Variants in TOM1L2 observed in about 807,000 individuals in gnomAD.
The protein encoded by TOM1L2 is target of myb1 like 2 membrane trafficking protein.
TOM1L2 carries 31 observed loss-of-function variants against 67.9 expected under a neutral mutation model. The ratio of observed to expected loss-of-function variants is 0.46; its 90% CI spans 0.34 to 0.62. The LOEUF is 0.62. Ranked by LOEUF, TOM1L2 falls within the 20% of genes least tolerant of loss-of-function variation. The probability of loss-of-function intolerance (pLI) is 0.01; values close to 1 mark genes in which losing one functional copy is unlikely to be tolerated. For missense variants in TOM1L2, 606 were observed against 663.5 expected (o/e 0.91, Z 0.95); for synonymous variants, 256 against 254.0 (o/e 1.01, Z -0.07).
chr17:17,952,357 G>A (rs998264895), intron 1 of TOM1L2, among the ~76,000 whole-genome samples: 1 of 138,174 alleles, frequency 7.2e-6, no homozygotes, highest in Non-Finnish European at 1.6e-5. Flanking sequence ...TCTTTATACA[G>A]TAAGTGCTTC....
At chr17:17,942,981 G>A (rs907994181) in intron 1 of TOM1L2, among the ~76,000 whole-genome samples, 3 of 152,142 alleles carry the variant, frequency 2.0e-5, no homozygotes, top group African/African-American at 7.2e-5. Context: ...TTATTATAAA[G>A]TAATATGATG....
chr17:17,862,564 G>A (rs989193053), intron 11 of TOM1L2, 167 bp downstream of exon 11: 23 of 643,390 alleles, frequency 3.6e-5, no homozygotes, highest in African/African-American at 2.9e-4. Context: ...TGGGCAGTTG[G>A]TATTTATTCA....
Position 17,928,771 on chromosome 17 carries a change from AAATAGCTGCTGT to A in TOM1L2, c.53-21252_53-21241del, listed in dbSNP as rs1402521447. Among the ~76,000 whole-genome samples, 5 of 152,272 alleles carry A rather than the reference AAATAGCTGCTGT, an allele frequency of 3.3e-5. No individual in the cohort carries two copies. In the East Asian group the frequency reaches 9.6e-4, roughly 29 times the overall value. On this transcript the variant is annotated intron_variant, in intron 1 of 14. Transcript: ENST00000379504. ...ATGTGTGTCAAACAGAATAGAACAT[AAATAGCTGCTGT>A]CTGTGTCTCAGGATTTTTTTTTTCT...
At chr17:17,944,466 A>C (rs536240949) in intron 1 of TOM1L2, among the ~76,000 whole-genome samples, 1 of 152,334 alleles carries the variant, frequency 6.6e-6, no homozygotes, top group South Asian at 2.1e-4. Flanking sequence ...CTTCACCTCC[A>C]TGGCTGCAAA....
chr17:17,878,380 G>GT (rs1277906012), intron 7 of TOM1L2, among the ~76,000 whole-genome samples: 1 of 152,230 alleles, frequency 6.6e-6, no homozygotes, highest in African/African-American at 2.4e-5. Context: ...GAGACAAGTT[G>GT]TTTCCCGGTC....
chr17:17,938,107 C>T (rs369932741), intron 1 of TOM1L2, among the ~76,000 whole-genome samples: 1 of 152,100 alleles, frequency 6.6e-6, no homozygotes, highest in African/African-American at 2.4e-5. Flanking sequence ...TCTCACCCAG[C>T]GTGGTGCAAT....
At chr17:17,872,081 A>C in intron 7 of TOM1L2, 1 of 984,052 alleles carries the variant, frequency 1.0e-6, no homozygotes, top group African/African-American at 1.7e-5. Context: ...AATAATGGCC[A>C]CAGGCGCCAA....
intron 2 of TOM1L2, among the ~76,000 whole-genome samples, chr17:17,905,066 G>A (rs1341450205): frequency 6.6e-6 from 1 of 152,224 alleles, no homozygotes; most frequent in East Asian, 1.9e-4. Context: ...CATGTTAGGA[G>A]GACGTGAGGA....
intron 5 of TOM1L2, among the ~76,000 whole-genome samples, chr17:17,884,354 C>A (rs117603004): frequency 1.3e-5 from 2 of 152,288 alleles, no homozygotes; most frequent in East Asian, 1.9e-4. Flanking sequence ...GTGCTAATGA[C>A]CCTCACAGGA....
intron 13 of TOM1L2, among the ~76,000 whole-genome samples, chr17:17,849,946 T>C (rs2035865639): frequency 6.6e-6 from 1 of 152,204 alleles, no homozygotes; most frequent in African/African-American, 2.4e-5. Flanking sequence ...GCTGACCTTC[T>C]GGGGAGGAGG....
intron 1 of TOM1L2, among the ~76,000 whole-genome samples, chr17:17,913,275 G>C (rs2039486000): frequency 6.8e-6 from 1 of 146,310 alleles, no homozygotes; most frequent in Admixed American, 6.9e-5. Flanking sequence ...GGGAGAGGGA[G>C]AGGGAGAGCT....
chr17:17,908,732 A>G (rs1289485639), intron 1 of TOM1L2, among the ~76,000 whole-genome samples: 2 of 152,336 alleles, frequency 1.3e-5, no homozygotes, highest in South Asian at 2.1e-4. Flanking sequence ...CAAAAACACA[A>G]TGAAATATCA....
intron 6 of TOM1L2, among the ~76,000 whole-genome samples, chr17:17,882,282 A>G (rs1370749960): frequency 6.6e-6 from 1 of 152,202 alleles, no homozygotes; most frequent in Admixed American, 6.5e-5. Context: ...ACATTCTGCC[A>G]TGGTTTCCTC....
intron 1 of TOM1L2, among the ~76,000 whole-genome samples, chr17:17,966,415 G>T (rs531275432): frequency 2.0e-5 from 3 of 152,190 alleles, no homozygotes; most frequent in Non-Finnish European, 2.9e-5. Context: ...ATAAAGAAAA[G>T]ATTAAAGAAA....
intron 1 of TOM1L2, among the ~76,000 whole-genome samples, chr17:17,952,521 AGCT>A (rs2041254268): frequency 6.7e-6 from 1 of 149,790 alleles, no homozygotes; most frequent in Non-Finnish European, 1.5e-5. Context: ...CCTCCTGAGG[AGCT>A]GGGACCACAG....
intron 7 of TOM1L2, chr17:17,869,776 T>C: frequency 1.2e-6 from 1 of 858,394 alleles, no homozygotes; most frequent in Non-Finnish European, 1.5e-6. Context: ...AGATTGCTTT[T>C]TCTCAACAAA....
intron 6 of TOM1L2, 51 bp downstream of exon 6, chr17:17,882,654 T>C (rs2037783355): frequency 9.4e-6 from 15 of 1,599,280 alleles, no homozygotes; most frequent in Middle Eastern, 3.3e-4. Flanking sequence ...CCCAGAAAGA[T>C]GAAAAAGGAT....
Position 17,843,791 on chromosome 17 carries a change from A to C in TOM1L2, c.*3844T>G, listed in dbSNP as rs2035504580. The C allele has an allele frequency of 6.6e-6, 1 of 152,464 alleles. No individual in the cohort carries two copies. The highest frequency in any genetic ancestry group is 2.1e-4 in the South Asian group (1 of 4,836). 9.4% of individuals were successfully genotyped at this position (152,464 alleles called of 1,614,324 possible). On this transcript the variant is annotated 3_prime_UTR_variant, in exon 15 of 15. Transcript: ENST00000379504. Reference sequence around the variant, plus strand: ...TCACAATTAAGTGCAAACTTTAGGAAATAAATATCCGTCCCCCTCTCCGGG... The same window carrying C: ...TCACAATTAAGTGCAAACTTTAGGACATAAATATCCGTCCCCCTCTCCGGG...
chr17:17,971,854 C>T (rs1051844252), intron 1 of TOM1L2, among the ~76,000 whole-genome samples: 1 of 152,236 alleles, frequency 6.6e-6, no homozygotes, highest in East Asian at 1.9e-4. Context: ...GTGGCACTGG[C>T]GCGCCCGTGA....
Sources: allele counts gnomAD v4.1 joint callset (sites outside exome capture counted in the v4.1 genomes callset), GRCh38; gene constraint gnomAD v4.1.1; transcripts MANE v1.5; gene names NCBI Gene and HGNC (gene_info 2026-07-23, HGNC 2026-07-21).